Variants in ANKS1B observed in about 807,000 individuals in gnomAD.
ANKS1B encodes the protein ankyrin repeat and sterile alpha motif domain-containing protein 1B.
In ANKS1B, 36 loss-of-function variants were observed where a neutral mutation model predicts 148.3. That is an observed-to-expected ratio of 0.24 (90% CI 0.19 to 0.32). The LOEUF is 0.32. Among genes scored for constraint, ANKS1B ranks in the 10% least tolerant of loss-of-function variants. The pLI, the probability that ANKS1B is intolerant of heterozygous loss-of-function variation, is 1.00. For missense variants in ANKS1B, 1,157 were observed against 1,542.6 expected, an observed-to-expected ratio of 0.75 and a Z score of 4.19; for synonymous variants, 542 against 560.8, an observed-to-expected ratio of 0.97 and a Z score of 0.47.
At chr12:98,791,228 C>T (rs1000780888) in intron 22 of ANKS1B, among the ~76,000 whole-genome samples, 1 of 151,894 alleles carries the variant, frequency 6.6e-6, no homozygotes, top group Admixed American at 6.6e-5. Context: ...GCCTGTAGTC[C>T]CAGCTACTCA....
intron 2 of ANKS1B, among the ~76,000 whole-genome samples, chr12:99,820,728 C>T (rs991312258): frequency 2.6e-5 from 4 of 151,900 alleles, no homozygotes; most frequent in Non-Finnish European, 5.9e-5. Flanking sequence ...ATTAGCATTC[C>T]ATGTAAACAT....
chr12:99,434,979 TG>T (rs943842990), intron 11 of ANKS1B, among the ~76,000 whole-genome samples: 120 of 152,202 alleles, frequency 7.9e-4, no homozygotes, highest in African/African-American at 2.8e-3. Flanking sequence ...GGAAAAAAGA[TG>T]AAAAAATTTT....
rs973467653 is a variant in ANKS1B, at chr12:98,829,577, T to A, written c.2887-224A>T. 2.6e-5 allele frequency among the ~76,000 whole-genome samples: 4 copies of A among 152,138 alleles called. No homozygotes were observed. The highest frequency in any genetic ancestry group is 5.9e-5 in the Non-Finnish European group (4 of 68,028). The stretch of plus-strand genomic sequence containing the variant: ...AAGGTCTGAAATATCAAGAGTCAGG[T>A]TCTGTTTTCCTAAAGCAGCATCATG... On this transcript the variant is annotated intron_variant, in intron 18 of 26. Transcript: ENST00000683438. This position sits in a 1 kb window ranked among gnomAD's most constrained non-coding sequence, Gnocchi z 5.2.
At chr12:99,578,858 T>G (rs1052464205) in intron 9 of ANKS1B, among the ~76,000 whole-genome samples, 1 of 152,094 alleles carries the variant, frequency 6.6e-6, no homozygotes, top group Non-Finnish European at 1.5e-5. Context: ...ATTCTAAGAT[T>G]TATCTGGAAC....
intron 17 of ANKS1B, among the ~76,000 whole-genome samples, chr12:98,905,318 C>T (rs1045167775): frequency 9.2e-5 from 14 of 152,192 alleles, no homozygotes; most frequent in African/African-American, 1.9e-4. Context: ...TGCTCTGAAA[C>T]GTTCTTTCCT....
chr12:99,336,513 T>C (rs1425148366), intron 12 of ANKS1B, among the ~76,000 whole-genome samples: 1 of 152,116 alleles, frequency 6.6e-6, no homozygotes, highest in East Asian at 1.9e-4. Context: ...ATTAGATGTA[T>C]GTCTTTAATC....
Position 99,098,619 on chromosome 12 carries a change from C to CT in ANKS1B, c.2527-13597dup, listed in dbSNP as rs71081896. ...AATAAAGCATGCCTGCTAGGAACTACTTTTTTTTTTTTTTTTTTTTTTTTT... is the reference window on the plus strand; with the variant it reads ...AATAAAGCATGCCTGCTAGGAACTACTTTTTTTTTTTTTTTTTTTTTTTTTT... On this transcript the variant is annotated intron_variant, in intron 15 of 26. Transcript: ENST00000683438. Among the ~76,000 whole-genome samples the CT allele has an allele frequency of 1.3e-3, 42 of 32,120 alleles. 11 individuals carry two copies. Among genetic ancestry groups the CT allele is most frequent in the Non-Finnish European group, 1.8e-3 (31 of 17,026 alleles). 21.1% of individuals were successfully genotyped at this position (32,120 alleles called of 152,430 possible).
At chr12:98,844,935 C>T (rs929035628) in intron 17 of ANKS1B, among the ~76,000 whole-genome samples, 1 of 151,992 alleles carries the variant, frequency 6.6e-6, no homozygotes, top group African/African-American at 2.4e-5. Context: ...CAAGCTGACA[C>T]CAAAAAGATG....
At chr12:99,443,247 G>A (rs1439432884) in intron 11 of ANKS1B, among the ~76,000 whole-genome samples, 1 of 151,896 alleles carries the variant, frequency 6.6e-6, no homozygotes, top group Non-Finnish European at 1.5e-5. Flanking sequence ...TAAGAATAGA[G>A]AAGATAGAGA....
chr12:99,525,005 A>G (rs1386877314), intron 9 of ANKS1B, among the ~76,000 whole-genome samples: 1 of 152,150 alleles, frequency 6.6e-6, no homozygotes, highest in Non-Finnish European at 1.5e-5. Context: ...AGGAAAACAG[A>G]TTCTTCCCTA....
chr12:98,984,150 G>C (rs2099921948), intron 17 of ANKS1B, among the ~76,000 whole-genome samples: 1 of 152,174 alleles, frequency 6.6e-6, no homozygotes, highest in Non-Finnish European at 1.5e-5. Context: ...CTACTGAAAT[G>C]GTTGAGGGAC....
chr12:99,612,687 C>G (rs990910107), intron 9 of ANKS1B, among the ~76,000 whole-genome samples: 3 of 152,070 alleles, frequency 2.0e-5, no homozygotes, highest in Admixed American at 2.0e-4. Flanking sequence ...CTTTCATTTA[C>G]AAGTTTGCAT....
intron 17 of ANKS1B, among the ~76,000 whole-genome samples, chr12:98,960,384 G>A (rs1029410009): frequency 3.9e-5 from 6 of 152,158 alleles, no homozygotes; most frequent in African/African-American, 1.4e-4. Context: ...TCTTATCCAA[G>A]ACCACCAAGT....
chr12:99,537,024 C>G (rs2097076781), intron 9 of ANKS1B, among the ~76,000 whole-genome samples: 1 of 152,134 alleles, frequency 6.6e-6, no homozygotes, highest in Non-Finnish European at 1.5e-5. Context: ...CTTTCTGTGC[C>G]TGGCCAATTT....
intron 9 of ANKS1B, among the ~76,000 whole-genome samples, chr12:99,551,289 T>C (rs896247086): frequency 1.3e-5 from 2 of 152,126 alleles, no homozygotes; most frequent in Non-Finnish European, 2.9e-5. Flanking sequence ...TACTCAGCAA[T>C]ATCATATCAT....
chr12:99,204,502 G>A (rs1171456285), intron 14 of ANKS1B, among the ~76,000 whole-genome samples: 1 of 152,196 alleles, frequency 6.6e-6, no homozygotes, highest in Non-Finnish European at 1.5e-5. Context: ...AAACCACACT[G>A]TGTTTCCATG....
At chr12:99,831,262 T>C (rs779350142) in intron 1 of ANKS1B, among the ~76,000 whole-genome samples, 3 of 151,510 alleles carry the variant, frequency 2.0e-5, no homozygotes, top group Non-Finnish European at 4.4e-5. Context: ...CATACCATTA[T>C]ATATTTCTTT....
intron 10 of ANKS1B, among the ~76,000 whole-genome samples, chr12:99,497,743 C>A (rs1349668975): frequency 6.6e-6 from 1 of 151,116 alleles, no homozygotes; most frequent in Non-Finnish European, 1.5e-5. Context: ...GGATTCCAAC[C>A]TTTCTTTTCG....
chr12:99,168,143 T>C (rs1304703121), intron 14 of ANKS1B, among the ~76,000 whole-genome samples: 2 of 152,224 alleles, frequency 1.3e-5, no homozygotes, highest in African/African-American at 4.8e-5. Flanking sequence ...CAGGTGTGTA[T>C]ACATTTCTCA....
Sources: allele counts gnomAD v4.1 joint callset (sites outside exome capture counted in the v4.1 genomes callset), GRCh38; gene constraint gnomAD v4.1.1; non-coding constraint Gnocchi (gnomAD v3.1); transcripts MANE v1.5; gene names NCBI Gene and HGNC (gene_info 2026-07-23, HGNC 2026-07-21).